GSPT1: variants seen among roughly 807,000 people sequenced by gnomAD.
GSPT1 encodes eukaryotic peptide chain release factor GTP-binding subunit ERF3A.
GSPT1 carries 20 observed loss-of-function variants against 72.5 expected under a neutral mutation model. That is an observed-to-expected ratio of 0.28 (90% CI 0.19 to 0.40). The LOEUF (loss-of-function observed/expected upper bound fraction) is 0.40. Ranked by LOEUF, GSPT1 falls within the 10% of genes least tolerant of loss-of-function variation. The pLI, the probability that GSPT1 is intolerant of heterozygous loss-of-function variation, is 1.00. For missense variants in GSPT1, 580 were observed against 811.9 expected, an observed-to-expected ratio of 0.71 and a Z score of 3.47; for synonymous variants, 334 against 293.5, an observed-to-expected ratio of 1.14 and a Z score of -1.41.
chr16:11,883,584 G>A (rs1479934706), intron 10 of GSPT1, among the ~76,000 whole-genome samples: 3 of 146,964 alleles, frequency 2.0e-5, no homozygotes, highest in Non-Finnish European at 4.5e-5. Context: ...TGAACCACTC[G>A]ACTCCAGCTT....
rs557275356 is a variant in GSPT1, at chr16:11,877,247, G to C, written c.1602+160C>G. ...GAAGACCTTGTATGAGGTGCCTATT[G>C]TGGTTATGATATATAAGTGGCTTAT... On this transcript the variant is annotated intron_variant, in intron 12 of 14. Coordinates refer to ENST00000434724, the MANE Select transcript of GSPT1 (RefSeq NM_002094.4). This position sits in a 1 kb window ranked among gnomAD's most constrained non-coding sequence, Gnocchi z 4.0. Among the ~76,000 whole-genome samples, 67 of 152,194 alleles carry C rather than the reference G, an allele frequency of 4.4e-4. No individual in the cohort carries two copies. Among genetic ancestry groups the C allele is most frequent in the Non-Finnish European group, 8.8e-4 (60 of 68,038 alleles).
At position 11,911,854 on chromosome 16, in the gene GSPT1, A is replaced by ATTTTTTTTTTTTTTT. The variant is rs1158026034; in HGVS notation, c.352+3500_352+3514dup. On this transcript the variant is annotated intron_variant, in intron 1 of 14. Coordinates refer to ENST00000434724, the MANE Select transcript of GSPT1 (RefSeq NM_002094.4). ...GGCATGAGCCACTGCACCCAGCTGT[A>ATTTTTTTTTTTTTTT]TTTTTTTTTTTTTTTTTTTTTTTTT... Among the ~76,000 whole-genome samples, 23 of 45,408 alleles carry ATTTTTTTTTTTTTTT rather than the reference A, an allele frequency of 5.1e-4. 4 individuals are homozygous for ATTTTTTTTTTTTTTT. The highest frequency in any genetic ancestry group is 7.6e-4 in the Non-Finnish European group (20 of 26,440). 29.8% of individuals were successfully genotyped at this position (45,408 alleles called of 152,430 possible). A position where few individuals can be genotyped will look rare whatever the true frequency, so the allele number is the denominator to read the frequency against.
intron 9 of GSPT1, among the ~76,000 whole-genome samples, chr16:11,885,737 C>A (rs2054179504): frequency 6.6e-6 from 1 of 151,966 alleles, no homozygotes; most frequent in African/African-American, 2.4e-5. Context: ...ACTAAAAATA[C>A]AAAAATCAGC....
At chr16:11,907,327 C>T (rs557338888) in intron 1 of GSPT1, among the ~76,000 whole-genome samples, 1 of 152,320 alleles carries the variant, frequency 6.6e-6, no homozygotes, top group South Asian at 2.1e-4. Context: ...TTCCAAGCCT[C>T]ACTCCTCTCA....
upstream of GSPT1, among the ~76,000 whole-genome samples, chr16:11,916,239 G>A (rs1233035812): frequency 6.6e-6 from 1 of 152,230 alleles, no homozygotes; most frequent in African/African-American, 2.4e-5. Flanking sequence ...GGAGGCGGAG[G>A]TCTGGTGGCC....
intron 11 of GSPT1, among the ~76,000 whole-genome samples, chr16:11,879,221 C>G (rs530140940): frequency 4.7e-5 from 7 of 147,814 alleles, no homozygotes; most frequent in Admixed American, 3.4e-4. Context: ...ATGGTGAAAC[C>G]CTGTCTCGAC....
At chr16:11,903,013 G>A (rs909941288) in intron 1 of GSPT1, among the ~76,000 whole-genome samples, 1 of 151,606 alleles carries the variant, frequency 6.6e-6, no homozygotes, top group Non-Finnish European at 1.5e-5. Flanking sequence ...CACCGCGCCC[G>A]GCTTCCAAGA....
Position 11,915,937 on chromosome 16 carries a change from T to G in GSPT1, c.-217A>C. 2 of 749,748 alleles carry G rather than the reference T, an allele frequency of 2.7e-6. No homozygotes were observed. Among genetic ancestry groups the G allele is most frequent in the South Asian group, 1.4e-5 (1 of 73,818 alleles). The allele number at this position is 749,748 out of a possible 1,614,324, so 46.4% of individuals were successfully genotyped here. On this transcript the variant is annotated 5_prime_UTR_variant, in exon 1 of 15. Coordinates refer to ENST00000434724, the MANE Select transcript of GSPT1 (RefSeq NM_002094.4). ...GGCGGCGGCGGCGGCAGCTCAACCC[T>G]CCTCCTCGTGTGTGTGAGCGGATCT...
rs1371285622 is a variant in GSPT1, at chr16:11,894,951, T to C, written c.698+3A>G. 1 of 1,564,992 alleles carries C rather than the reference T, an allele frequency of 6.4e-7. No individual in the cohort carries two copies. The highest frequency in any genetic ancestry group is 8.7e-7 in the Non-Finnish European group (1 of 1,143,156). The stretch of plus-strand genomic sequence containing the variant: ...TGTTATTTAACAAAAGATACAGACT[T>C]ACATTATTTGTCCTCCAATGGTTGA... On this transcript the variant is annotated splice_donor_region_variant and intron_variant, in intron 5 of 14. Coordinates refer to ENST00000434724, the MANE Select transcript of GSPT1 (RefSeq NM_002094.4).
chr16:11,896,848 A>G, intron 3 of GSPT1, 63 bp from the exon 4 acceptor site: 2 of 1,059,072 alleles, frequency 1.9e-6, no homozygotes, highest in East Asian at 5.2e-5. Flanking sequence ...TTTAAAATAC[A>G]CTAGCTTTAA....
intron 6 of GSPT1, among the ~76,000 whole-genome samples, chr16:11,888,852 T>C (rs1485980651): frequency 2.0e-5 from 3 of 152,198 alleles, no homozygotes; most frequent in Non-Finnish European, 4.4e-5. Flanking sequence ...AATTATACCA[T>C]CTAGAACTTT....
chr16:11,895,177 T>C, intron 4 of GSPT1, 190 bp from the exon 5 acceptor site: 1 of 474,936 alleles, frequency 2.1e-6, no homozygotes, highest in Non-Finnish European at 3.9e-6. Context: ...ACGCCTGTAA[T>C]TCCAGCACTT....
At chr16:11,912,183 AAC>A (rs368356748) in intron 1 of GSPT1, among the ~76,000 whole-genome samples, 3 of 151,278 alleles carry the variant, frequency 2.0e-5, no homozygotes, top group Non-Finnish European at 3.0e-5. Context: ...TCCCTGCAAA[AAC>A]ACACACACAC....
chr16:11,892,289 G>A (rs988336694), intron 5 of GSPT1, among the ~76,000 whole-genome samples: 1 of 151,198 alleles, frequency 6.6e-6, no homozygotes, highest in African/African-American at 2.4e-5. Flanking sequence ...GTTACAGTAA[G>A]CTATGATTCC....
intron 1 of GSPT1, chr16:11,915,132 C>T: frequency 9.1e-7 from 1 of 1,103,314 alleles, no homozygotes; most frequent in South Asian, 2.1e-5. Flanking sequence ...AGGGGCGGCA[C>T]TCGGGTCCGG....
intron 1 of GSPT1, among the ~76,000 whole-genome samples, chr16:11,899,078 C>T (rs749736838): frequency 1.3e-5 from 2 of 152,090 alleles, no homozygotes; most frequent in Non-Finnish European, 2.9e-5. Flanking sequence ...CTAAATTATA[C>T]TCCAATATGA....
At chr16:11,898,443 T>C (rs1372662194) in intron 1 of GSPT1, among the ~76,000 whole-genome samples, 9 of 41,164 alleles carry the variant, frequency 2.2e-4, no homozygotes, top group Admixed American at 5.0e-4. Flanking sequence ...GATTAGCCCT[T>C]TTTTTTTTTT....
chr16:11,915,475 G>T lies in GSPT1; in HGVS notation c.246C>A (p.Ala82=). Residue 82 remains alanine (A), a synonymous_variant, in exon 1 of 15, where the codon GCC becomes GCA. Coordinates refer to ENST00000434724, the MANE Select transcript of GSPT1 (RefSeq NM_002094.4). Reference sequence around the variant, plus strand: ...GCAGGAAGGACGGCACGAACTCGGCGGCGTGGACGTTGGGCACGAAGGGCT... The same window carrying T: ...GCAGGAAGGACGGCACGAACTCGGCTGCGTGGACGTTGGGCACGAAGGGCT... ...NAKPFVPNVH[A]AEFVPSFLRG... The T allele has an allele frequency of 6.4e-7, 1 of 1,550,580 alleles. No homozygotes were observed.
intron 7 of GSPT1, among the ~76,000 whole-genome samples, chr16:11,887,150 A>G (rs754052932): frequency 1.6e-4 from 25 of 151,908 alleles, no homozygotes; most frequent in Non-Finnish European, 3.5e-4. Flanking sequence ...GTATACCTGC[A>G]TATTTTAAAA....
Sources: gnomAD v4.1 joint callset for allele counts (sites outside exome capture counted in the v4.1 genomes callset) on GRCh38, gnomAD v4.1.1 for gene constraint, Gnocchi (gnomAD v3.1) non-coding constraint, MANE v1.5 for transcripts, NCBI Gene and HGNC (gene_info 2026-07-23, HGNC 2026-07-21) for gene names.